Variants in TUSC3 observed in about 807,000 individuals in gnomAD.
TUSC3 encodes tumor suppressor candidate 3.
TUSC3 carries 45 observed loss-of-function variants against 44.8 expected under a neutral mutation model. That is an observed-to-expected ratio of 1.00 (90% confidence interval 0.79 to 1.29). The LOEUF (loss-of-function observed/expected upper bound fraction) is 1.29, where lower values mean the gene tolerates loss of function less well. Ranked by LOEUF, TUSC3 falls within the 50% of genes most tolerant of loss-of-function variation. The pLI is 0.00. For synonymous variants in TUSC3, 212 were observed against 152.9 expected (o/e 1.39, Z -2.85); for missense variants, 519 against 437.9 (o/e 1.19, Z -1.65).
chr8:15,516,759 GA>G (rs1801221271), intron 2 of TUSC3, among the ~76,000 whole-genome samples: 1 of 151,992 alleles, frequency 6.6e-6, no homozygotes, highest in South Asian at 2.1e-4. Flanking sequence ...AATGTTTGTT[GA>G]AGAATAAAAA....
intron 1 of TUSC3, among the ~76,000 whole-genome samples, chr8:15,433,617 C>T (rs1490833732): frequency 6.6e-6 from 1 of 151,968 alleles, no homozygotes; most frequent in Non-Finnish European, 1.5e-5. Context: ...CATGCCAGGG[C>T]TTAAGCGTTC....
At position 15,601,610 on chromosome 8, in the gene TUSC3, C is replaced by A. The variant is rs989890013; in HGVS notation, c.139-21470C>A. Among the ~76,000 whole-genome samples, 9 of 151,758 alleles carry A rather than the reference C, an allele frequency of 5.9e-5. No homozygotes were observed. The East Asian group carries it at 1.5e-3, about 26-fold the overall frequency. On this transcript the variant is annotated intron_variant, in intron 1 of 10. Transcript: ENST00000503731. Reference sequence around the variant, plus strand: ...TAATTATTTATATTTAAATTTGTTACCTTTTTCTTAAGTTTATTACCTATT... The same window carrying A: ...TAATTATTTATATTTAAATTTGTTAACTTTTTCTTAAGTTTATTACCTATT...
At chr8:15,768,437 TTA>T (rs1226538418), downstream of TUSC3, among the ~76,000 whole-genome samples, 12 of 152,248 alleles carry the variant, frequency 7.9e-5, no homozygotes, top group East Asian at 2.3e-3. Context: ...GAAAGTCATC[TTA>T]TTCACAAGAA....
At chr8:15,500,084 A>G (rs1226355575) in intron 2 of TUSC3, among the ~76,000 whole-genome samples, 7 of 152,104 alleles carry the variant, frequency 4.6e-5, no homozygotes, top group Admixed American at 4.6e-4. Context: ...CATCATTTTC[A>G]TATATCCTCT....
At chr8:15,753,895 A>G in intron 9 of TUSC3, among the ~76,000 whole-genome samples, 1 of 152,118 alleles carries the variant, frequency 6.6e-6, no homozygotes, top group East Asian at 1.9e-4. Context: ...AGTGTCAAAG[A>G]GGGAACAAAT....
At chr8:15,631,923 G>C (rs767707258) in intron 2 of TUSC3, among the ~76,000 whole-genome samples, 2 of 152,020 alleles carry the variant, frequency 1.3e-5, no homozygotes, top group Non-Finnish European at 2.9e-5. Context: ...TGGCCAGGCT[G>C]GTCTTGAACT....
At position 15,527,243 on chromosome 8, in the gene TUSC3, G is replaced by A. The variant is rs954232534; in HGVS notation, n.189+43760G>A. Among the ~76,000 whole-genome samples the A allele has an allele frequency of 7.9e-5, 12 of 152,128 alleles. No individual in the cohort carries two copies. In the South Asian group the frequency reaches 1.0e-3, roughly 13 times the overall value. On this transcript the variant is annotated intron_variant and non_coding_transcript_variant, in intron 2 of 5. Coordinates refer to the TUSC3 transcript ENST00000503191. ...ATTTATTTATTTATTTAGAGACAGA[G>A]TCTCACTCTGTCACCCAGGCTGGAG...
intron 1 of TUSC3, among the ~76,000 whole-genome samples, chr8:15,473,255 A>G (rs900543656): frequency 6.6e-6 from 1 of 152,220 alleles, no homozygotes; most frequent in African/African-American, 2.4e-5. Context: ...CTGGTAAATA[A>G]TTAAAGTATT....
intron 1 of TUSC3, among the ~76,000 whole-genome samples, chr8:15,446,605 C>T (rs530307757): frequency 5.5e-4 from 84 of 151,812 alleles, no homozygotes; most frequent in African/African-American, 2.0e-3. Flanking sequence ...CGGGCGCCTG[C>T]AATCCCAGGC....
At chr8:15,734,594 G>A (rs756746163) in intron 7 of TUSC3, among the ~76,000 whole-genome samples, 13 of 151,994 alleles carry the variant, frequency 8.6e-5, no homozygotes, top group Non-Finnish European at 1.8e-4. Flanking sequence ...ATGCAAATGT[G>A]AATGAGATAC....
the TUSC3 span, among the ~76,000 whole-genome samples, chr8:15,779,093 GTTTTC>G: frequency 8.3e-5 from 10 of 120,552 alleles, no homozygotes; most frequent in African/African-American, 3.3e-4. Context: ...ACCCTCGAAT[GTTTTC>G]TTTTTTTTTT....
At chr8:15,586,287 G>A (rs1803599803) in intron 1 of TUSC3, among the ~76,000 whole-genome samples, 1 of 152,150 alleles carries the variant, frequency 6.6e-6, no homozygotes, top group Non-Finnish European at 1.5e-5. Context: ...AGAGAAGCTT[G>A]TATAAGTCAT....
chr8:15,456,830 C>T lies in TUSC3; in HGVS notation n.92-26556C>T, dbSNP rs557052071. 3.9e-5 allele frequency among the ~76,000 whole-genome samples: 6 copies of T among 152,126 alleles called. No homozygotes were observed. The South Asian group carries it at 1.2e-3, about 31-fold the overall frequency. On this transcript the variant is annotated intron_variant and non_coding_transcript_variant, in intron 1 of 5. Transcript: ENST00000503191. The stretch of plus-strand genomic sequence containing the variant: ...ACGACAACTTGAAAACGCTTTAAAA[C>T]ATTTTGTTGTATATAGTTCAGATCT...
At chr8:15,575,131 T>G (rs1461691289) in intron 1 of TUSC3, among the ~76,000 whole-genome samples, 1 of 151,318 alleles carries the variant, frequency 6.6e-6, no homozygotes, top group East Asian at 1.9e-4. Context: ...TTATGGGACA[T>G]TATGAACTGA....
chr8:15,650,829 C>T lies in TUSC3; in HGVS notation c.426+15C>T, dbSNP rs574008930. ...TTTTTCAGCAGGTAAAGAGTTATAT[C>T]GTATTCATATATTTAACATAGTTGT... On this transcript the variant is annotated intron_variant, in intron 3 of 10. Coordinates refer to ENST00000503731, the MANE Select transcript of TUSC3 (RefSeq NM_006765.4). The T allele has an allele frequency of 4.4e-5, 71 of 1,597,402 alleles. 2 individuals are homozygous for T. In the South Asian group the frequency reaches 6.0e-4, roughly 13 times the overall value.
At position 15,730,685 on chromosome 8, in the gene TUSC3, G is replaced by A; in HGVS notation, c.818G>A (p.Ser273Asn). Residue 273 changes from serine to asparagine, a missense_variant, in exon 7 of 11, where the codon AGC (serine) becomes AAC (asparagine). Physicochemically the swap from Ser to Asn is conservative, Grantham distance 46 (BLOSUM62 1). Transcript: ENST00000503731. ...TTATAGAGCTACATTCATGGGAGCA[G>A]CCAGGCTCAGTTTGTGGCAGAATCA... The part of the protein sequence containing the change: ...NGQVSYIHGS[S>N]QAQFVAESHI... 6.2e-7 allele frequency: 1 copy of A among 1,613,108 alleles called. No homozygotes were observed. The highest frequency in any genetic ancestry group is 8.5e-7 in the Non-Finnish European group (1 of 1,179,388).
intron 2 of TUSC3, among the ~76,000 whole-genome samples, chr8:15,647,092 C>G (rs1304437911): frequency 2.0e-5 from 3 of 152,080 alleles, no homozygotes; most frequent in Non-Finnish European, 4.4e-5. Flanking sequence ...TCTATATTGT[C>G]ATAGTTCATA....
At chr8:15,451,899 G>A (rs570707375) in intron 1 of TUSC3, among the ~76,000 whole-genome samples, 1 of 152,220 alleles carries the variant, frequency 6.6e-6, no homozygotes, top group South Asian at 2.1e-4. Flanking sequence ...CAGAAGTGTT[G>A]TGAGAGTATA....
chr8:15,424,427 A>C (rs549833026), intron 1 of TUSC3, among the ~76,000 whole-genome samples: 6 of 152,088 alleles, frequency 3.9e-5, no homozygotes, highest in Non-Finnish European at 8.8e-5. Context: ...GGAGGGAGGA[A>C]AAAATAGGAC....
Sources: gnomAD v4.1 joint callset for allele counts (sites outside exome capture counted in the v4.1 genomes callset) on GRCh38, gnomAD v4.1.1 for gene constraint, MANE v1.5 for transcripts, NCBI Gene and HGNC (gene_info 2026-07-23, HGNC 2026-07-21) for gene names.